Variants in BCCIP observed in about 807,000 individuals in gnomAD.
The protein encoded by BCCIP is BRCA2 and CDKN1A interacting protein.
In BCCIP, 23 loss-of-function variants were observed where a neutral mutation model predicts 32.8. The observed-to-expected ratio is 0.70, with a 90% CI of 0.51 to 0.99. BCCIP has a LOEUF of 0.99. BCCIP is among the 50% of genes least tolerant of loss of function. The probability of loss-of-function intolerance (pLI) is 0.00; values close to 1 mark genes in which losing one functional copy is unlikely to be tolerated. For synonymous variants in BCCIP, 144 were observed against 137.6 expected (o/e 1.05, Z -0.33); for missense variants, 378 against 379.8 (o/e 1.00, Z 0.04).
At chr10:125,842,828 C>T (rs1854918213), downstream of BCCIP, 1 of 936,570 alleles carries the variant, frequency 1.1e-6, no homozygotes, top group Non-Finnish European at 1.3e-6. Context: ...CTCTTTATTT[C>T]TTTTAAGTTT....
downstream of BCCIP, chr10:125,841,538 T>G (rs1854880523): frequency 7.0e-7 from 1 of 1,427,362 alleles, no homozygotes; most frequent in Non-Finnish European, 9.1e-7. Context: ...AACTTTGAGT[T>G]AGTTTTCTTA....
At chr10:125,836,911 C>T, downstream of BCCIP, 1 of 1,510,738 alleles carries the variant, frequency 6.6e-7, no homozygotes, top group East Asian at 2.3e-5. Context: ...GTGAGAGACA[C>T]CAAACATTAT....
chr10:125,838,468 C>T, downstream of BCCIP: 1 of 1,303,292 alleles, frequency 7.7e-7, no homozygotes. Context: ...GAAAAAAATA[C>T]CAAAGTATTT....
rs767000029 is a variant in BCCIP, at chr10:125,841,949, AAAT to A, written c.*597_*599del. ...ACTTTCTGGTGCTAGGAAAGGAAAA[AAAT>A]AATAATTTAAGAGTCTCATATGGCT... is the stretch of plus-strand genomic sequence containing the variant. On this transcript the variant is annotated 3_prime_UTR_variant, in exon 7 of 7. Coordinates refer to the BCCIP transcript ENST00000299130. 6 of 1,573,210 alleles carry A rather than the reference AAAT, an allele frequency of 3.8e-6. No homozygotes were observed. In the African/African-American group the frequency reaches 4.1e-5, roughly 11 times the overall value.
intron 1 of BCCIP, among the ~76,000 whole-genome samples, chr10:125,824,168 GCT>G (rs1227618763): frequency 6.6e-6 from 1 of 152,180 alleles, no homozygotes; most frequent in Non-Finnish European, 1.5e-5. Flanking sequence ...CTTTTCAAAT[GCT>G]CTTCTTTATC....
intron 1 of BCCIP, chr10:125,825,455 G>C (rs529435363): frequency 4.6e-5 from 7 of 152,276 alleles, no homozygotes; most frequent in African/African-American, 1.7e-4. Flanking sequence ...ATCCTGTTTG[G>C]AACACTCCCA....
chr10:125,838,166 T>TAA, downstream of BCCIP: 7 of 1,350,336 alleles, frequency 5.2e-6, no homozygotes, highest in Admixed American at 5.0e-5. Flanking sequence ...AGGTATGAAT[T>TAA]AAAAAAAAAA....
downstream of BCCIP, among the ~76,000 whole-genome samples, chr10:125,844,486 CCTA>C (rs1854957780): frequency 6.6e-6 from 1 of 152,072 alleles, no homozygotes; most frequent in Non-Finnish European, 1.5e-5. Context: ...TGCTCCTGGT[CCTA>C]CAACAGAAAA....
chr10:125,840,384 C>T (rs906726744), downstream of BCCIP, among the ~76,000 whole-genome samples: 8 of 152,368 alleles, frequency 5.3e-5, no homozygotes, highest in Non-Finnish European at 1.0e-4. Context: ...GCAGCCTCCC[C>T]TCAGCACCCC....
At chr10:125,828,096 A>G (rs1401569421) in intron 3 of BCCIP, among the ~76,000 whole-genome samples, 2 of 152,046 alleles carry the variant, frequency 1.3e-5, no homozygotes, top group African/African-American at 4.8e-5. Flanking sequence ...GCAGTAGTCC[A>G]GGTGGGGGCA....
chr10:125,838,080 G>T, downstream of BCCIP: 1 of 867,506 alleles, frequency 1.2e-6, no homozygotes, highest in Non-Finnish European at 1.7e-6. Context: ...AGTAGGTACT[G>T]TCAACGTAAA....
exon 7 of BCCIP, chr10:125,842,318 G>T: frequency 5.2e-6 from 1 of 190,604 alleles, no homozygotes; most frequent in South Asian, 1.2e-4. Context: ...GCCAGAGGGA[G>T]CTCCCTCAAC....
chr10:125,837,593 ATTT>A (rs1001917226), downstream of BCCIP, among the ~76,000 whole-genome samples: 2 of 151,962 alleles, frequency 1.3e-5, no homozygotes, highest in Non-Finnish European at 2.9e-5. Flanking sequence ...CACCCGGCTA[ATTT>A]TTTTATTTTG....
chr10:125,843,590 C>T (rs558275709), downstream of BCCIP, among the ~76,000 whole-genome samples: 2 of 151,560 alleles, frequency 1.3e-5, no homozygotes, highest in African/African-American at 2.4e-5. Flanking sequence ...CCAGCCTGGG[C>T]GACAGAGCGA....
At chr10:125,851,945 A>G (rs2134043809) in intron 7 of BCCIP, among the ~76,000 whole-genome samples, 1 of 151,680 alleles carries the variant, frequency 6.6e-6, no homozygotes, top group South Asian at 2.1e-4. Flanking sequence ...AAAAAAAGAA[A>G]AGAAAAAAGG....
chr10:125,831,734 AG>A (rs1468384257), intron 5 of BCCIP, 127 bp downstream of exon 5: 1 of 866,004 alleles, frequency 1.2e-6, no homozygotes, highest in Non-Finnish European at 1.7e-6. Context: ...GTTTAGTGTG[AG>A]GGGAGTGGAA....
intron 3 of BCCIP, among the ~76,000 whole-genome samples, chr10:125,828,340 A>C (rs1014746405): frequency 1.3e-5 from 2 of 152,182 alleles, no homozygotes; most frequent in Non-Finnish European, 1.5e-5. Context: ...ACCGGGTAGC[A>C]GGTGGAGCCC....
downstream of BCCIP, among the ~76,000 whole-genome samples, chr10:125,846,604 G>A (rs1055793288): frequency 1.3e-5 from 2 of 152,174 alleles, no homozygotes; most frequent in Non-Finnish European, 2.9e-5. Context: ...AGATGCACAC[G>A]TAAATCAAGA....
intron 7 of BCCIP, chr10:125,852,386 C>G (rs1944102602): frequency 6.2e-7 from 1 of 1,614,108 alleles, no homozygotes; most frequent in Admixed American, 1.7e-5. Context: ...TCCTGCATTT[C>G]TGCTGGCTTC....
Sources: gnomAD v4.1 joint callset for allele counts (sites outside exome capture counted in the v4.1 genomes callset) on GRCh38, gnomAD v4.1.1 for gene constraint, MANE v1.5 for transcripts, NCBI Gene and HGNC (gene_info 2026-07-23, HGNC 2026-07-21) for gene names.